The following TRIM3 variants were observed in gnomAD, a reference collection of about 807,000 sequenced individuals.
The protein encoded by TRIM3 is tripartite motif containing 3.
A neutral mutation model predicts 66.6 loss-of-function variants in TRIM3; 13 were observed. That is an observed-to-expected ratio of 0.20 (90% CI 0.13 to 0.31). The LOEUF is 0.31. TRIM3 is among the 10% of genes least tolerant of loss of function. The pLI is 1.00. For missense variants in TRIM3, 711 were observed against 1,020.4 expected (o/e 0.70, Z 4.13); for synonymous variants, 406 against 411.7 (o/e 0.99, Z 0.17).
In TRIM3 at chr11:6,451,179, T is replaced by C. The variant is rs1387337576; in HGVS notation, c.1701+92A>G. 8 of 1,585,394 alleles carry C rather than the reference T, an allele frequency of 5.0e-6. No homozygotes were observed. The African/African-American group carries it at 9.4e-5, about 19-fold the overall frequency. ...GAACAGGGAGTAGGAGGAGGTAGGA[T>C]TGGATCAGTCCAGACCCTGACCACC... On this transcript the variant is annotated intron_variant, in intron 8 of 11. Transcript: ENST00000345851.
rs968510414 is a variant in TRIM3 at position 6,462,868 on chromosome 11, G to A, written c.131+2697C>T. On this transcript the variant is annotated intron_variant, in intron 2 of 11. Coordinates refer to ENST00000345851, the MANE Select transcript of TRIM3 (RefSeq NM_033278.4). Reference sequence around the variant, plus strand: ...GCCCAGGAGTTCAAGTCCAGTTTGGGCAATATAGCAAGACACTCATCTCTA... The same window carrying A: ...GCCCAGGAGTTCAAGTCCAGTTTGGACAATATAGCAAGACACTCATCTCTA... Among the ~76,000 whole-genome samples the A allele has an allele frequency of 4.6e-5, 7 of 151,748 alleles. 1 individual carries two copies. Among genetic ancestry groups the A allele is most frequent in the Admixed American group, 3.3e-4 (5 of 15,256 alleles).
chr11:6,470,269 G>A (rs1850628441), intron 1 of TRIM3, among the ~76,000 whole-genome samples: 1 of 152,214 alleles, frequency 6.6e-6, no homozygotes, highest in South Asian at 2.1e-4. Context: ...ACTGAACTTG[G>A]TGGCTGGGTA....
At chr11:6,455,331 A>G (rs1208801158) in intron 7 of TRIM3, among the ~76,000 whole-genome samples, 1 of 152,188 alleles carries the variant, frequency 6.6e-6, no homozygotes, top group Non-Finnish European at 1.5e-5. Context: ...CTAGGATTCA[A>G]GCTCAGGTGT....
rs144792317 is a variant in TRIM3, at chr11:6,460,370, AAG to A, written c.132-2076_132-2075del. On this transcript the variant is annotated intron_variant, in intron 2 of 11. Transcript: ENST00000345851. The stretch of plus-strand genomic sequence containing the variant: ...GGTTGAGGGGTTGGATGGTGCTAGA[AAG>A]AGTTTTTACCTGTTTGGCATGGGAG... Among the ~76,000 whole-genome samples, 137 of 152,236 alleles carry A rather than the reference AAG, an allele frequency of 9.0e-4. 2 individuals are homozygous for A. In the East Asian group the frequency reaches 0.025, roughly 27 times the overall value.
Position 6,457,293 on chromosome 11 carries a change from C to A in TRIM3, c.696+3G>T. 6.2e-7 allele frequency: 1 copy of A among 1,613,900 alleles called. No homozygotes were observed. Among genetic ancestry groups the A allele is most frequent in the Non-Finnish European group, 8.5e-7 (1 of 1,179,914 alleles). ...GGTAGGAAAGGGTGAACACAAGACA[C>A]ACCTTCTGTTTGGCCCCACAAATGG... On this transcript the variant is annotated splice_donor_region_variant and intron_variant, in intron 5 of 11. Transcript: ENST00000345851. The surrounding 1 kb of genome is among the most constrained non-coding windows in gnomAD (Gnocchi z 4.5).
In TRIM3 at chr11:6,451,186, A is replaced by T. The variant is rs1849702820; in HGVS notation, c.1701+85T>A. ...GAGTAGGAGGAGGTAGGATTGGATC[A>T]GTCCAGACCCTGACCACCAAGAGGC... On this transcript the variant is annotated intron_variant, in intron 8 of 11. Transcript: ENST00000345851. 1.1e-5 allele frequency: 17 copies of T among 1,586,326 alleles called. No individual in the cohort carries two copies. The South Asian group carries it at 1.9e-4, about 18-fold the overall frequency.
intron 2 of TRIM3, among the ~76,000 whole-genome samples, chr11:6,462,597 CT>C (rs753143225): frequency 7.9e-5 from 12 of 151,810 alleles, no homozygotes; most frequent in Non-Finnish European, 1.3e-4. Context: ...TTTTTAGAGA[CT>C]GCATCTCACT....
chr11:6,471,302 C>T (rs1229140464), intron 1 of TRIM3, among the ~76,000 whole-genome samples: 1 of 152,232 alleles, frequency 6.6e-6, no homozygotes, highest in African/African-American at 2.4e-5. Flanking sequence ...AAATAACTCA[C>T]GTCTACTCAC....
chr11:6,456,110 G>C lies in TRIM3; in HGVS notation c.1495C>G (p.Arg499Gly), dbSNP rs1349776327. 1.2e-6 allele frequency: 2 copies of C among 1,614,122 alleles called. No homozygotes were observed. Among genetic ancestry groups the C allele is most frequent in the East Asian group, 2.2e-5 (1 of 44,872 alleles). The change falls in exon 7 of 12, where the codon CGC becomes GGC. Residue 499 changes from arginine (R) to glycine (G), a missense_variant. This residue lies in a region of TRIM3 where 399 missense variants were observed against 458.1 expected (regional missense o/e 0.87). Coordinates refer to ENST00000345851, the MANE Select transcript of TRIM3 (RefSeq NM_033278.4). This position sits in a 1 kb window ranked among gnomAD's most constrained non-coding sequence, Gnocchi z 6.4. Reference sequence around the variant, plus strand: ...TTGTTGCTGTCTGCTACCACGATGCGGCCGCTGCTGGCTGCGGACACACCT... The same window carrying C: ...TTGTTGCTGTCTGCTACCACGATGCCGCCGCTGCTGGCTGCGGACACACCT... ...LQGVSAASSG[R>G]IVVADSNNQC...
Position 6,470,352 on chromosome 11 carries a change from T to A in TRIM3, c.-38+3439A>T, listed in dbSNP as rs908974812. 6.6e-5 allele frequency among the ~76,000 whole-genome samples: 10 copies of A among 152,170 alleles called. No individual in the cohort carries two copies. In the South Asian group the frequency reaches 2.1e-3, roughly 32 times the overall value. ...TTTGGAAACTCTCAAAGAAGAGCAG[T>A]TTGGATGAGAGGGTGATAAGTTTGG... On this transcript the variant is annotated intron_variant, in intron 1 of 11. Coordinates refer to ENST00000345851, the MANE Select transcript of TRIM3 (RefSeq NM_033278.4).
chr11:6,465,831 T>C lies in TRIM3; in HGVS notation c.-37-99A>G, dbSNP rs1034782226. 5.7e-5 allele frequency: 61 copies of C among 1,075,028 alleles called. No homozygotes were observed. The African/African-American group carries it at 7.8e-4, about 14-fold the overall frequency. The allele number at this position is 1,075,028 out of a possible 1,614,324, so 66.6% of individuals were successfully genotyped here. ...CCTGCAGAGAACTTGCCCCCACCTCTTCCCTGCTAGGGGCAAGACAGGGCA... is the reference window on the plus strand; with the variant it reads ...CCTGCAGAGAACTTGCCCCCACCTCCTCCCTGCTAGGGGCAAGACAGGGCA... On this transcript the variant is annotated intron_variant, in intron 1 of 11. Coordinates refer to ENST00000345851, the MANE Select transcript of TRIM3 (RefSeq NM_033278.4).
chr11:6,448,755 C>G lies in TRIM3; in HGVS notation c.*273G>C, dbSNP rs1849599511. On this transcript the variant is annotated 3_prime_UTR_variant, in exon 12 of 12. Transcript: ENST00000345851. Reference sequence around the variant, plus strand: ...CCCAGGCTGGGGGATGGGGAGCAGACTGACAGGGGTGGGGAGGTGTGTAAG... The same window carrying G: ...CCCAGGCTGGGGGATGGGGAGCAGAGTGACAGGGGTGGGGAGGTGTGTAAG... 2 of 614,666 alleles carry G rather than the reference C, an allele frequency of 3.3e-6. No homozygotes were observed. Among genetic ancestry groups the G allele is most frequent in the Non-Finnish European group, 5.8e-6 (2 of 346,408 alleles). 38.1% of individuals were successfully genotyped at this position (614,666 alleles called of 1,614,324 possible). A position where few individuals can be genotyped will look rare whatever the true frequency, so the allele number is the denominator to read the frequency against.
intron 7 of TRIM3, among the ~76,000 whole-genome samples, chr11:6,454,133 C>G (rs1849863338): frequency 6.6e-6 from 1 of 152,186 alleles, no homozygotes; most frequent in Non-Finnish European, 1.5e-5. Flanking sequence ...AATCCCAGCA[C>G]TTTCAGAGGC....
rs1849645353 is a variant in TRIM3 at position 6,449,772 on chromosome 11, T to C, written c.1942-326A>G. The stretch of plus-strand genomic sequence containing the variant: ...CTTCTCTGTTTGATAGGCCAATGAA[T>C]TAACACAACTCTTGATTCCATCTCA... On this transcript the variant is annotated intron_variant, in intron 10 of 11. Transcript: ENST00000345851. The surrounding 1 kb of genome is among the most constrained non-coding windows in gnomAD (Gnocchi z 5.3). 3.6e-6 allele frequency: 1 copy of C among 281,246 alleles called. No homozygotes were observed. Among genetic ancestry groups the C allele is most frequent in the Non-Finnish European group, 6.7e-6 (1 of 148,798 alleles). The allele number at this position is 281,246 out of a possible 1,614,324, so 17.4% of individuals were successfully genotyped here.
At chr11:6,467,979 G>C (rs947133555) in intron 1 of TRIM3, among the ~76,000 whole-genome samples, 2 of 152,130 alleles carry the variant, frequency 1.3e-5, no homozygotes, top group African/African-American at 4.8e-5. Flanking sequence ...CAAAAAGCTG[G>C]ACTGATTTGA....
intron 1 of TRIM3, among the ~76,000 whole-genome samples, chr11:6,466,780 C>T (rs1850488982): frequency 6.6e-6 from 1 of 152,120 alleles, no homozygotes; most frequent in Admixed American, 6.5e-5. Context: ...CATGACTACC[C>T]AGAGTCTGGC....
Position 6,451,290 on chromosome 11 carries a change from G to A in TRIM3, c.1682C>T (p.Ser561Phe), listed in dbSNP as rs1849706993. ...TCTCACCTTGAACTTGCCCTCAGGGGAGAAGATGCTGACCCAACGGTTGTC... is the reference window on the plus strand; with the variant it reads ...TCTCACCTTGAACTTGCCCTCAGGGAAGAAGATGCTGACCCAACGGTTGTC... Reference protein sequence around the residue: ...DYDNRWVSIFSPEGKFKTKIG... With the variant: ...DYDNRWVSIFFPEGKFKTKIG... Residue 561 changes from serine (S) to phenylalanine (F), a missense_variant, in exon 8 of 12, where the codon TCC becomes TTC. Coordinates refer to ENST00000345851, the MANE Select transcript of TRIM3 (RefSeq NM_033278.4). The A allele has an allele frequency of 6.2e-7, 1 of 1,614,112 alleles. No homozygotes were observed. The highest frequency in any genetic ancestry group is 8.5e-7 in the Non-Finnish European group (1 of 1,180,038).
In TRIM3 at chr11:6,449,302, T is replaced by A; in HGVS notation, c.2082+4A>T. Reference sequence around the variant, plus strand: ...CCCTCATGTCATTCCCAGGCCTTACTCACCTGGATGCGGCTGTTGCCCCAG... The same window carrying A: ...CCCTCATGTCATTCCCAGGCCTTACACACCTGGATGCGGCTGTTGCCCCAG... On this transcript the variant is annotated splice_donor_region_variant and intron_variant, in intron 11 of 11. Coordinates refer to ENST00000345851, the MANE Select transcript of TRIM3 (RefSeq NM_033278.4). The surrounding 1 kb of genome is among the most constrained non-coding windows in gnomAD (Gnocchi z 5.3). The A allele has an allele frequency of 1.9e-6, 3 of 1,613,446 alleles. No individual in the cohort carries two copies. Among genetic ancestry groups the A allele is most frequent in the Non-Finnish European group, 2.5e-6 (3 of 1,179,600 alleles).
chr11:6,467,077 A>G (rs1260174682), intron 1 of TRIM3, among the ~76,000 whole-genome samples: 1 of 152,198 alleles, frequency 6.6e-6, no homozygotes, highest in Non-Finnish European at 1.5e-5. Flanking sequence ...GAATGATAAA[A>G]CAGACAGGGT....
Sources: gnomAD v4.1 joint callset for allele counts (sites outside exome capture counted in the v4.1 genomes callset) on GRCh38, gnomAD v4.1.1 for gene constraint, gnomAD v4.1.1 regional missense constraint, Gnocchi (gnomAD v3.1) non-coding constraint, MANE v1.5 for transcripts, NCBI Gene and HGNC (gene_info 2026-07-23, HGNC 2026-07-21) for gene names.